TFB2M: variants seen among roughly 807,000 people sequenced by gnomAD.
TFB2M encodes transcription factor B2, mitochondrial, also known as dimethyladenosine transferase 2, mitochondrial.
TFB2M carries 44 observed loss-of-function variants against 41.3 expected under a neutral mutation model. That is an observed-to-expected ratio of 1.07 (90% CI 0.84 to 1.37). The LOEUF (loss-of-function observed/expected upper bound fraction) is 1.37. Ranked by LOEUF, TFB2M falls within the 40% of genes most tolerant of loss-of-function variation. The pLI, the probability that TFB2M is intolerant of heterozygous loss-of-function variation, is 0.00. For synonymous variants in TFB2M, 188 were observed against 176.8 expected, an observed-to-expected ratio of 1.06 and a Z score of -0.50; for missense variants, 496 against 490.2, an observed-to-expected ratio of 1.01 and a Z score of -0.11.
At chr1:246,553,957 C>T (rs1280877241) in intron 4 of TFB2M, among the ~76,000 whole-genome samples, 2 of 152,164 alleles carry the variant, frequency 1.3e-5, no homozygotes, top group African/African-American at 2.4e-5. Flanking sequence ...ACCAAGGTAA[C>T]AGTAGCAACA....
intron 6 of TFB2M, among the ~76,000 whole-genome samples, chr1:246,546,312 T>TAAAAAAAGAAAAAAAAAAAAAGAAAAAA (rs57261732): frequency 2.1e-5 from 3 of 140,204 alleles, no homozygotes; most frequent in African/African-American, 7.9e-5. Flanking sequence ...CACTGTCTTT[T>TAAAAAAAGAAAAAAAAAAAAAGAAAAAA]AAAAAAAGAA....
Position 246,557,377 on chromosome 1 carries a change from T to G in TFB2M, c.556+4A>C. On this transcript the variant is annotated splice_donor_region_variant and intron_variant, in intron 3 of 7. Coordinates refer to ENST00000366514, the MANE Select transcript of TFB2M (RefSeq NM_022366.3). ...TATTTGCTTTAGTAAATTCCAAAAATGACCTGCTGTCCAAGGAACTGCTTC... is the reference window on the plus strand; with the variant it reads ...TATTTGCTTTAGTAAATTCCAAAAAGGACCTGCTGTCCAAGGAACTGCTTC... The G allele has an allele frequency of 6.2e-7, 1 of 1,608,288 alleles. No individual in the cohort carries two copies. Among genetic ancestry groups the G allele is most frequent in the East Asian group, 2.2e-5 (1 of 44,698 alleles).
In TFB2M at chr1:246,556,700, C is replaced by G. The variant is rs779192249; in HGVS notation, c.578G>C (p.Gly193Ala). ...TTTCTCACCTCTACTTGGGAACATT[C>G]CAACTACTTTTAAAGGGATGTCTGT... ...WTADIPLKVV[G>A]MFPSRGEKRA... The change falls in exon 4 of 8, where the codon GGA becomes GCA. Residue 193 changes from glycine (G) to alanine (A), a missense_variant. Physicochemically the swap from Gly to Ala is moderately conservative, Grantham distance 60 (BLOSUM62 0). Transcript: ENST00000366514. The G allele has an allele frequency of 1.3e-6, 2 of 1,569,560 alleles. No homozygotes were observed. The highest frequency in any genetic ancestry group is 4.6e-5 in the East Asian group (2 of 43,048).
In TFB2M at chr1:246,545,086, G is replaced by A. The variant is rs142603484; in HGVS notation, c.859-405C>T. 5.1e-3 allele frequency among the ~76,000 whole-genome samples: 780 copies of A among 152,198 alleles called. 10 individuals carry two copies. The highest frequency in any genetic ancestry group is 0.017 in the African/African-American group (692 of 41,544). ...TCCCCAAAGTGCTGGGATTACAGGC[G>A]TGAGCCACCGTGCCCGGCCCACATT... On this transcript the variant is annotated intron_variant, in intron 6 of 7. Transcript: ENST00000366514.
At chr1:246,565,750 A>T in intron 1 of TFB2M, 76 bp downstream of exon 1, 1 of 1,478,438 alleles carries the variant, frequency 6.8e-7, no homozygotes, top group African/African-American at 1.4e-5. Context: ...CAGTATCTAA[A>T]ATAGCACCCC....
intron 4 of TFB2M, among the ~76,000 whole-genome samples, chr1:246,554,933 A>T (rs894753687): frequency 6.6e-6 from 1 of 152,234 alleles, no homozygotes; most frequent in Non-Finnish European, 1.5e-5. Flanking sequence ...AGAATGGGAG[A>T]AAATATTTGT....
chr1:246,551,394 T>G, intron 4 of TFB2M, 92 bp from the exon 5 acceptor site: 1 of 867,994 alleles, frequency 1.2e-6, no homozygotes, highest in Non-Finnish European at 1.8e-6. Context: ...CTTAATGGCA[T>G]CTAGACATTT....
intron 2 of TFB2M, among the ~76,000 whole-genome samples, 188 bp from the exon 3 acceptor site, chr1:246,557,722 G>C (rs769270807): frequency 2.0e-5 from 3 of 152,120 alleles, no homozygotes; most frequent in Non-Finnish European, 4.4e-5. Context: ...TGCCAGGCTG[G>C]AGTGCAGTGG....
At chr1:246,553,217 T>C (rs1028602944) in intron 4 of TFB2M, among the ~76,000 whole-genome samples, 1 of 151,984 alleles carries the variant, frequency 6.6e-6, no homozygotes, top group East Asian at 1.9e-4. Context: ...CAAGACTCCG[T>C]CTAAAAAAAA....
chr1:246,556,544 CA>C, intron 4 of TFB2M, 28 bp downstream of exon 4: 14 of 1,426,464 alleles, frequency 9.8e-6, no homozygotes, highest in Non-Finnish European at 1.3e-5. Context: ...AGACTCAGAA[CA>C]AAAAATAGGT....
intron 2 of TFB2M, among the ~76,000 whole-genome samples, chr1:246,559,764 A>G (rs1338882478): frequency 1.3e-5 from 2 of 152,220 alleles, no homozygotes; most frequent in African/African-American, 4.8e-5. Flanking sequence ...GTCTGACGAT[A>G]TAAATGTGTG....
rs1336792991 is a variant in TFB2M at position 246,564,426 on chromosome 1, T to A, written c.322A>T (p.Ile108Phe). 1.9e-6 allele frequency: 3 copies of A among 1,613,944 alleles called. No homozygotes were observed. The African/African-American group carries it at 4.0e-5, about 22-fold the overall frequency. ...LLLECNPGPG[I>F]LTQALLEAGA... ...GCTTCAAGTAATGCCTGAGTCAGGA[T>A]TCCAGGACCTGGCACATTAACAGAA... is the stretch of plus-strand genomic sequence containing the variant. The change falls in exon 2 of 8, where the codon ATC (isoleucine) becomes TTC (phenylalanine). Residue 108 changes from isoleucine (I) to phenylalanine (F), a missense_variant. By Grantham distance (21) the Ile-to-Phe change is conservative. Transcript: ENST00000366514.
intron 2 of TFB2M, among the ~76,000 whole-genome samples, chr1:246,562,782 C>T (rs1026827479): frequency 1.3e-5 from 2 of 152,044 alleles, no homozygotes; most frequent in Non-Finnish European, 2.9e-5. Flanking sequence ...GCCTCAGCCT[C>T]CCGAGTAGCT....
intron 7 of TFB2M, among the ~76,000 whole-genome samples, chr1:246,544,233 G>A (rs1282923617): frequency 6.6e-6 from 1 of 152,170 alleles, no homozygotes; most frequent in African/African-American, 2.4e-5. Context: ...CTAGTGGTAG[G>A]CAGCTAGTGC....
chr1:246,562,363 C>CT (rs1202992530), intron 2 of TFB2M, among the ~76,000 whole-genome samples: 1 of 152,198 alleles, frequency 6.6e-6, no homozygotes, highest in African/African-American at 2.4e-5. Context: ...AATGTGTCTG[C>CT]TTTTTAAGAA....
rs35984926 is a variant in TFB2M at position 246,542,898 on chromosome 1, CTTTTT to C, written c.1019+1618_1019+1622del. Among the ~76,000 whole-genome samples, 159 of 112,074 alleles carry C rather than the reference CTTTTT, an allele frequency of 1.4e-3. 2 individuals are homozygous for C. The highest frequency in any genetic ancestry group is 7.9e-4 in the Non-Finnish European group (46 of 58,488). 73.5% of individuals were successfully genotyped at this position (112,074 alleles called of 152,430 possible). The stretch of plus-strand genomic sequence containing the variant: ...ATTGCCTTTTACTAGTCTATTACCA[CTTTTT>C]TTTTTTTTTTTTTTTAGAGATAGAG... On this transcript the variant is annotated intron_variant, in intron 7 of 7. Transcript: ENST00000366514.
intron 6 of TFB2M, among the ~76,000 whole-genome samples, chr1:246,546,636 T>C (rs1221081643): frequency 9.8e-6 from 1 of 102,076 alleles, no homozygotes; most frequent in Admixed American, 9.6e-5. Context: ...AAATAAAAAA[T>C]AAAAAAAGGA....
chr1:246,540,781 A>C lies in TFB2M; in HGVS notation c.*250T>G, dbSNP rs1421018870. On this transcript the variant is annotated 3_prime_UTR_variant, in exon 8 of 8. Coordinates refer to ENST00000366514, the MANE Select transcript of TFB2M (RefSeq NM_022366.3). ...GTGAAATATTTAAATAGGAATCTGAAACAAAACGAATTCAATCTGATCAAA... is the reference window on the plus strand; with the variant it reads ...GTGAAATATTTAAATAGGAATCTGACACAAAACGAATTCAATCTGATCAAA... The C allele has an allele frequency of 5.6e-6, 2 of 359,090 alleles. No homozygotes were observed. The highest frequency in any genetic ancestry group is 1.0e-5 in the Non-Finnish European group (2 of 200,538). The allele number at this position is 359,090 out of a possible 1,614,324, so 22.2% of individuals were successfully genotyped here.
chr1:246,543,846 C>T (rs1558508056), intron 7 of TFB2M, among the ~76,000 whole-genome samples: 1 of 146,484 alleles, frequency 6.8e-6, no homozygotes, highest in Admixed American at 6.7e-5. Context: ...AAAAATTAGC[C>T]GGGCGTGGTG....
Sources: gnomAD v4.1 joint callset for allele counts (sites outside exome capture counted in the v4.1 genomes callset) on GRCh38, gnomAD v4.1.1 for gene constraint, MANE v1.5 for transcripts, NCBI Gene and HGNC (gene_info 2026-07-23, HGNC 2026-07-21) for gene names.